Variants in KCTD1 observed in about 807,000 individuals in gnomAD.
The protein encoded by KCTD1 is BTB/POZ domain-containing protein KCTD1.
A neutral mutation model predicts 66.0 loss-of-function variants in KCTD1; 24 were observed. That is an observed-to-expected ratio of 0.36 (90% CI 0.26 to 0.51). The LOEUF is 0.51. Ranked by LOEUF, KCTD1 falls within the 20% of genes least tolerant of loss-of-function variation. The pLI is 0.95. For synonymous variants in KCTD1, 511 were observed against 517.2 expected (o/e 0.99, Z 0.16); for missense variants, 943 against 1,205.2 (o/e 0.78, Z 3.22).
At chr18:26,621,005 T>C (rs1568012125) in intron 1 of KCTD1, among the ~76,000 whole-genome samples, 1 of 151,934 alleles carries the variant, frequency 6.6e-6, no homozygotes, top group Non-Finnish European at 1.5e-5. Context: ...GCTAATTTTT[T>C]TGTATTTTTA....
At chr18:26,554,751 A>G (rs891524827) in intron 1 of KCTD1, among the ~76,000 whole-genome samples, 1 of 152,160 alleles carries the variant, frequency 6.6e-6, no homozygotes, top group African/African-American at 2.4e-5. Context: ...ATAATCACCT[A>G]CTTGTTTCCT....
At chr18:26,649,117 C>T (rs1987980832) in intron 1 of KCTD1, among the ~76,000 whole-genome samples, 1 of 152,238 alleles carries the variant, frequency 6.6e-6, no homozygotes, top group African/African-American at 2.4e-5. Context: ...CACGACCCCA[C>T]ATGAGAGGAC....
At chr18:26,583,359 A>T (rs1227152630) in intron 1 of KCTD1, among the ~76,000 whole-genome samples, 2 of 141,618 alleles carry the variant, frequency 1.4e-5, no homozygotes, top group Non-Finnish European at 1.5e-5. Flanking sequence ...GCATAATTGC[A>T]CGCCAATCTG....
intron 2 of KCTD1, among the ~76,000 whole-genome samples, chr18:26,488,040 T>C (rs1419160271): frequency 6.6e-6 from 1 of 152,364 alleles, no homozygotes; most frequent in East Asian, 1.9e-4. Context: ...AGAAATACTT[T>C]TCTAATTTAA....
At chr18:26,645,158 C>A (rs529493545), upstream of KCTD1, among the ~76,000 whole-genome samples, 1 of 152,290 alleles carries the variant, frequency 6.6e-6, no homozygotes, top group Admixed American at 6.5e-5. Flanking sequence ...TGCAAGACTT[C>A]TATAAATCTT....
At chr18:26,523,143 A>G (rs1415514270) in intron 1 of KCTD1, among the ~76,000 whole-genome samples, 1 of 152,130 alleles carries the variant, frequency 6.6e-6, no homozygotes, top group African/African-American at 2.4e-5. Flanking sequence ...GTGGCGCTAG[A>G]TATTACCAAG....
intron 1 of KCTD1, among the ~76,000 whole-genome samples, chr18:26,622,993 C>A (rs16942485): frequency 0.021 from 3,266 of 152,274 alleles, 103 homozygotes; most frequent in African/African-American, 0.073. Flanking sequence ...CATCTATATG[C>A]AATCAGCCAT....
At chr18:26,506,604 G>A (rs886850883) in intron 1 of KCTD1, among the ~76,000 whole-genome samples, 3 of 152,188 alleles carry the variant, frequency 2.0e-5, no homozygotes, top group African/African-American at 7.2e-5. Context: ...CTTGTATGTT[G>A]ATCTGTGGTC....
chr18:26,639,488 A>G (rs1987791099), intron 1 of KCTD1, among the ~76,000 whole-genome samples: 1 of 152,178 alleles, frequency 6.6e-6, no homozygotes, highest in Non-Finnish European at 1.5e-5. Flanking sequence ...TTGTAAAAGG[A>G]TTTCATGGTT....
At position 26,503,863 on chromosome 18, in the gene KCTD1, G is replaced by A. The variant is rs369567400; in HGVS notation, c.1810-2613C>T. 2.2e-4 allele frequency among the ~76,000 whole-genome samples: 34 copies of A among 151,466 alleles called. No homozygotes were observed. The East Asian group carries it at 5.3e-3, about 23-fold the overall frequency. On this transcript the variant is annotated intron_variant, in intron 1 of 4. Coordinates refer to ENST00000580059, the MANE Select transcript of KCTD1 (RefSeq NM_001142730.3). The stretch of plus-strand genomic sequence containing the variant: ...TTCAGCTGGGGGTGGGGGTGGGGTG[G>A]GGTGGAGATTGGCCCTTAAGGGCAA...
intron 1 of KCTD1, among the ~76,000 whole-genome samples, chr18:26,570,191 A>AAAATAT (rs776923644): frequency 8.1e-4 from 107 of 132,544 alleles, no homozygotes; most frequent in Non-Finnish European, 1.4e-3. Context: ...ATCTAAAAAA[A>AAAATAT]ATATATATAT....
chr18:26,542,656 G>C (rs1016625781), intron 1 of KCTD1, among the ~76,000 whole-genome samples: 3 of 152,154 alleles, frequency 2.0e-5, no homozygotes, highest in African/African-American at 4.8e-5. Context: ...CTTCCTGCTT[G>C]AAAACTACTT....
At chr18:26,525,135 C>G (rs1032480671) in intron 1 of KCTD1, among the ~76,000 whole-genome samples, 1 of 152,302 alleles carries the variant, frequency 6.6e-6, no homozygotes, top group African/African-American at 2.4e-5. Context: ...CTTTAAAAAT[C>G]TTGGTTTCTT....
At chr18:26,588,648 T>C (rs533180109) in intron 1 of KCTD1, among the ~76,000 whole-genome samples, 17 of 152,202 alleles carry the variant, frequency 1.1e-4, no homozygotes, top group African/African-American at 3.9e-4. Context: ...AGAAAGCATT[T>C]CTTGGAGGCT....
At chr18:26,597,748 G>A (rs769870904) in intron 1 of KCTD1, among the ~76,000 whole-genome samples, 4 of 150,306 alleles carry the variant, frequency 2.7e-5, no homozygotes, top group Non-Finnish European at 4.4e-5. Flanking sequence ...CCACCTCCCC[G>A]GTTCAAGCAA....
At chr18:26,624,590 AC>A (rs2145024278) in intron 1 of KCTD1, among the ~76,000 whole-genome samples, 1 of 152,344 alleles carries the variant, frequency 6.6e-6, no homozygotes, top group African/African-American at 2.4e-5. Flanking sequence ...GGGAACCTCC[AC>A]CTAGATTTCA....
chr18:26,546,507 GAT>G (rs1355190132), intron 1 of KCTD1, among the ~76,000 whole-genome samples: 2 of 152,218 alleles, frequency 1.3e-5, no homozygotes, highest in African/African-American at 2.4e-5. Flanking sequence ...GCACAGCAGT[GAT>G]TTGTTAGGTA....
In KCTD1 at chr18:26,497,613, A is replaced by G. The variant is rs918755623; in HGVS notation, c.1988+3459T>C. ...CCATTAAATTGGATGTTGCTTTGAC[A>G]TGAACATTTAATTACCTACAAAAAT... On this transcript the variant is annotated intron_variant, in intron 2 of 4. Coordinates refer to ENST00000580059, the MANE Select transcript of KCTD1 (RefSeq NM_001142730.3). 3.9e-5 allele frequency among the ~76,000 whole-genome samples: 6 copies of G among 152,238 alleles called. 1 individual carries two copies. Among genetic ancestry groups the G allele is most frequent in the Admixed American group, 1.3e-4 (2 of 15,284 alleles).
At chr18:26,577,151 C>T (rs776943640) in intron 1 of KCTD1, among the ~76,000 whole-genome samples, 4 of 152,070 alleles carry the variant, frequency 2.6e-5, no homozygotes, top group Non-Finnish European at 5.9e-5. Flanking sequence ...TCAACCTTAC[C>T]CAGAAAATAC....
Sources: gnomAD v4.1 joint callset for allele counts (sites outside exome capture counted in the v4.1 genomes callset) on GRCh38, gnomAD v4.1.1 for gene constraint, MANE v1.5 for transcripts, NCBI Gene and HGNC (gene_info 2026-07-23, HGNC 2026-07-21) for gene names.